ICE1: variants seen among roughly 807,000 people sequenced by gnomAD.
ICE1 encodes interactor of little elongation complex ELL subunit 1.
Under a neutral mutation model 192.7 loss-of-function variants are expected in ICE1, and 64 were observed. That is an observed-to-expected ratio of 0.33 (90% CI 0.27 to 0.41). The LOEUF (loss-of-function observed/expected upper bound fraction) is 0.41. ICE1 is among the 10% of genes least tolerant of loss of function. The pLI is 1.00. For synonymous variants in ICE1, 1,010 were observed against 984.5 expected, an observed-to-expected ratio of 1.03 and a Z score of -0.49; for missense variants, 2,708 against 2,696.0, an observed-to-expected ratio of 1.00 and a Z score of -0.10.
At chr5:5,448,464 A>G (rs897358803) in intron 10 of ICE1, among the ~76,000 whole-genome samples, 1 of 152,202 alleles carries the variant, frequency 6.6e-6, no homozygotes, top group African/African-American at 2.4e-5. Flanking sequence ...AGAAGGTGAG[A>G]AATGAGAATT....
Position 5,462,064 on chromosome 5 carries a change from T to A in ICE1, c.2730T>A (p.Asp910Glu). The A allele has an allele frequency of 6.2e-7, 1 of 1,613,938 alleles. No individual in the cohort carries two copies. Among genetic ancestry groups the A allele is most frequent in the Non-Finnish European group, 8.5e-7 (1 of 1,179,886 alleles). Residue 910 changes from aspartate (D) to glutamate (E), a missense_variant, in exon 13 of 19, where the codon GAT becomes GAA. By Grantham distance (45) the Asp-to-Glu change is conservative. Coordinates refer to ENST00000296564, the MANE Select transcript of ICE1 (RefSeq NM_015325.3). ...TVAKCDGERD[D>E]TTQNITEVAA... ...CAAAATGTGATGGGGAAAGAGATGA[T>A]ACAACACAAAACATCACGGAGGTGG...
In ICE1 at chr5:5,431,877, A is replaced by T. The variant is rs565236679; in HGVS notation, c.85-4541A>T. On this transcript the variant is annotated intron_variant, in intron 1 of 18. Coordinates refer to ENST00000296564, the MANE Select transcript of ICE1 (RefSeq NM_015325.3). ...GGTCTCCATCTTCGCCTTATTCTTTATGTGGAACTCTTATTGTTGGGTATG... is the reference window on the plus strand; with the variant it reads ...GGTCTCCATCTTCGCCTTATTCTTTTTGTGGAACTCTTATTGTTGGGTATG... Among the ~76,000 whole-genome samples the T allele has an allele frequency of 2.0e-5, 3 of 151,750 alleles. No individual in the cohort carries two copies. The East Asian group carries it at 5.8e-4, about 29-fold the overall frequency.
chr5:5,429,170 T>C (rs1737620850), intron 1 of ICE1, among the ~76,000 whole-genome samples: 1 of 152,114 alleles, frequency 6.6e-6, no homozygotes, highest in South Asian at 2.1e-4. Context: ...TGCCGGGGAA[T>C]CTCATTAGGG....
chr5:5,470,101 G>A (rs1210818893), intron 15 of ICE1, among the ~76,000 whole-genome samples: 1 of 152,032 alleles, frequency 6.6e-6, no homozygotes, highest in Non-Finnish European at 1.5e-5. Flanking sequence ...AGAGTTACCT[G>A]CCTCGAGCAT....
rs577139318 is a variant in ICE1 at position 5,447,819 on chromosome 5, C to T, written c.548-22C>T. ...TTTTGATATGTAGTATTTTATTAAC[C>T]GTTTTTTCCCCATGCTTTTAGAGTT... On this transcript the variant is annotated intron_variant, in intron 9 of 18. Coordinates refer to ENST00000296564, the MANE Select transcript of ICE1 (RefSeq NM_015325.3). The T allele has an allele frequency of 6.6e-5, 103 of 1,572,394 alleles. 1 individual carries two copies. The highest frequency in any genetic ancestry group is 2.4e-4 in the South Asian group (21 of 86,090).
chr5:5,487,054 A>T (rs1455435102), intron 18 of ICE1, among the ~76,000 whole-genome samples: 1 of 152,198 alleles, frequency 6.6e-6, no homozygotes, highest in Admixed American at 6.5e-5. Flanking sequence ...TTTCCTAAGG[A>T]AGAAGAAAGT....
rs1370284571 is a variant in ICE1 at position 5,461,375 on chromosome 5, A to G, written c.2041A>G (p.Asn681Asp). Residue 681 changes from asparagine to aspartate, a missense_variant, in exon 13 of 19, where the codon AAC becomes GAC. Physicochemically the swap from Asn to Asp is conservative, Grantham distance 23. Around this residue, in one of 2 missense-constraint regions of ICE1, gnomAD observed 2,366 missense variants for 2,276.6 expected, o/e 1.04. Coordinates refer to ENST00000296564, the MANE Select transcript of ICE1 (RefSeq NM_015325.3). ...SEHKLQTKTL[N>D]TLHLQSEPPE... ...ACATAAATTGCAAACTAAAACTTTAAACACATTACATCTGCAGTCTGAGCC... is the reference window on the plus strand; with the variant it reads ...ACATAAATTGCAAACTAAAACTTTAGACACATTACATCTGCAGTCTGAGCC... 6.2e-7 allele frequency: 1 copy of G among 1,613,850 alleles called. No individual in the cohort carries two copies. The highest frequency in any genetic ancestry group is 8.5e-7 in the Non-Finnish European group (1 of 1,179,878).
rs763019787 is a variant in ICE1, at chr5:5,489,297, A to G, written c.6768A>G (p.Glu2256=). ...CTGCGATTGTCAGCTGCCTAGAGGAAGTCAGTGCCCTGAGCACAGAGGAGC... is the reference window on the plus strand; with the variant it reads ...CTGCGATTGTCAGCTGCCTAGAGGAGGTCAGTGCCCTGAGCACAGAGGAGC... The part of the protein sequence containing the change: ...VPSAIVSCLE[E]VSALSTEELG Residue 2256 remains glutamate (E), a synonymous_variant, in exon 19 of 19, where the codon GAA becomes GAG. Coordinates refer to ENST00000296564, the MANE Select transcript of ICE1 (RefSeq NM_015325.3). The G allele has an allele frequency of 3.7e-6, 6 of 1,613,386 alleles. No individual in the cohort carries two copies. In the African/African-American group the frequency reaches 6.7e-5, roughly 18 times the overall value.
Position 5,463,322 on chromosome 5 carries a change from A to ATACC in ICE1, c.3988_3989insTACC (p.Ser1330IlefsTer12). ...AGCAGCTGCCTTGGACACTGAGGGCAGCTCTCCCATCAGCGGTATGCCTCA... is the reference window on the plus strand; with the variant it reads ...AGCAGCTGCCTTGGACACTGAGGGCATACCGCTCTCCCATCAGCGGTATGCCTCA... On this transcript the variant is annotated frameshift_variant, in exon 13 of 19. Transcript: ENST00000296564. LOFTEE classifies it high-confidence loss of function. 2 of 1,613,716 alleles carry ATACC rather than the reference A, an allele frequency of 1.2e-6. No homozygotes were observed. The highest frequency in any genetic ancestry group is 1.7e-6 in the Non-Finnish European group (2 of 1,179,804).
In ICE1 at chr5:5,486,818, A is replaced by G. The variant is rs1739650854; in HGVS notation, c.6618A>G (p.Glu2206=). ...TGTTTATACAGCATGCTCACGATGA[A>G]GGTAAAACTTACATCTATTAAAATT... The part of the protein sequence containing the change: ...IGMFIQHAHD[E]DIPWGIQLAA... Residue 2206 remains glutamate (E), a splice_region_variant and synonymous_variant, in exon 18 of 19, where the codon GAA becomes GAG. Transcript: ENST00000296564. The G allele has an allele frequency of 6.3e-7, 1 of 1,581,866 alleles. No individual in the cohort carries two copies. Among genetic ancestry groups the G allele is most frequent in the Admixed American group, 1.8e-5 (1 of 55,856 alleles).
intron 3 of ICE1, chr5:5,437,364 T>C (rs927915533): frequency 3.0e-5 from 11 of 372,140 alleles, no homozygotes; most frequent in African/African-American, 2.3e-4. Context: ...ATAAGCTTTT[T>C]AGTGGGTGGG....
Position 5,438,841 on chromosome 5 carries a change from A to C in ICE1, c.179-1054A>C, listed in dbSNP as rs139864462. The stretch of plus-strand genomic sequence containing the variant: ...ATTCTGTAATATGATATTTGGCTTC[A>C]TTGTCAGCTACAGATAGATACATAC... On this transcript the variant is annotated intron_variant, in intron 3 of 18. Coordinates refer to ENST00000296564, the MANE Select transcript of ICE1 (RefSeq NM_015325.3). Among the ~76,000 whole-genome samples the C allele has an allele frequency of 5.5e-3, 833 of 152,320 alleles. 11 individuals are homozygous for C. The highest frequency in any genetic ancestry group is 0.019 in the African/African-American group (801 of 41,574).
At chr5:5,453,538 T>C (rs893561123) in intron 10 of ICE1, among the ~76,000 whole-genome samples, 2 of 152,196 alleles carry the variant, frequency 1.3e-5, no homozygotes, top group African/African-American at 4.8e-5. Flanking sequence ...CTAATATCAG[T>C]AAATGCTTAA....
In ICE1 at chr5:5,460,998, T is replaced by C. The variant is rs755093176; in HGVS notation, c.1664T>C (p.Met555Thr). Reference protein sequence around the residue: ...ESEGKTVLSKMMGSPKSEFTK... With the variant: ...ESEGKTVLSKTMGSPKSEFTK... Reference sequence around the variant, plus strand: ...GAAGGAAAAACCGTATTGTCTAAAATGATGGGATCGCCCAAATCAGAGTTT... The same window carrying C: ...GAAGGAAAAACCGTATTGTCTAAAACGATGGGATCGCCCAAATCAGAGTTT... Residue 555 changes from methionine to threonine, a missense_variant, in exon 13 of 19, where the codon ATG becomes ACG. Met to Thr is a moderately conservative substitution (Grantham distance 81). Transcript: ENST00000296564. The C allele has an allele frequency of 9.3e-6, 15 of 1,613,936 alleles. No individual in the cohort carries two copies. In the South Asian group the frequency reaches 1.4e-4, roughly 15 times the overall value.
At chr5:5,468,468 T>G (rs1344932194) in intron 14 of ICE1, among the ~76,000 whole-genome samples, 1 of 152,268 alleles carries the variant, frequency 6.6e-6, no homozygotes, top group African/African-American at 2.4e-5. Context: ...AGAATTGTCA[T>G]CTAGAATTTA....
Position 5,422,938 on chromosome 5 carries a change from C to T in ICE1, c.23C>T (p.Ser8Leu). Residue 8 changes from serine (S) to leucine (L), a missense_variant, in exon 1 of 19, where the codon TCG becomes TTG. Transcript: ENST00000296564. ...ACCATGATGCCGGGCGAGACCCATTCGGCGGCGCCCGGGACGGCGGCGGAC... is the reference window on the plus strand; with the variant it reads ...ACCATGATGCCGGGCGAGACCCATTTGGCGGCGCCCGGGACGGCGGCGGAC... MMPGETH[S>L]AAPGTAADLS... The T allele has an allele frequency of 6.9e-7, 1 of 1,446,054 alleles. No individual in the cohort carries two copies. The highest frequency in any genetic ancestry group is 9.1e-7 in the Non-Finnish European group (1 of 1,100,922). The allele number at this position is 1,446,054 out of a possible 1,614,324, so 89.6% of individuals were successfully genotyped here.
chr5:5,461,347 A>G lies in ICE1; in HGVS notation c.2013A>G (p.Ser671=). 6.2e-7 allele frequency: 1 copy of G among 1,613,952 alleles called. No individual in the cohort carries two copies. The highest frequency in any genetic ancestry group is 8.5e-7 in the Non-Finnish European group (1 of 1,179,824). The change falls in exon 13 of 19, where the codon TCA becomes TCG. Residue 671 remains serine, a synonymous_variant. Transcript: ENST00000296564. ...TKVFSTEPHH[S]EHKLQTKTLN... Reference sequence around the variant, plus strand: ...TATTCTCTACTGAACCGCATCATTCAGAACATAAATTGCAAACTAAAACTT... The same window carrying G: ...TATTCTCTACTGAACCGCATCATTCGGAACATAAATTGCAAACTAAAACTT...
intron 1 of ICE1, among the ~76,000 whole-genome samples, chr5:5,436,189 T>TA (rs937239253): frequency 3.9e-4 from 60 of 152,292 alleles, no homozygotes; most frequent in African/African-American, 1.4e-3. Flanking sequence ...AGTAAAAGCA[T>TA]ATTTACAACT....
intron 17 of ICE1, 60 bp downstream of exon 17, chr5:5,476,139 G>T: frequency 1.1e-6 from 1 of 927,622 alleles, no homozygotes; most frequent in South Asian, 1.7e-5. Context: ...TGGAAGGCTG[G>T]GGGGTTAACT....
Sources: allele counts gnomAD v4.1 joint callset (sites outside exome capture counted in the v4.1 genomes callset), GRCh38; gene constraint gnomAD v4.1.1; regional missense constraint gnomAD v4.1.1; transcripts MANE v1.5; gene names NCBI Gene and HGNC (gene_info 2026-07-23, HGNC 2026-07-21).